The following HERC1 variants were observed in gnomAD, a reference collection of about 807,000 sequenced individuals.
HERC1 encodes the protein HECT and RLD domain containing E3 ubiquitin protein ligase family member 1, also known as probable E3 ubiquitin-protein ligase HERC1.
A neutral mutation model predicts 554.3 loss-of-function variants in HERC1; 160 were observed. The ratio of observed to expected loss-of-function variants is 0.29; its 90% CI spans 0.25 to 0.33. HERC1 has a LOEUF of 0.33. Among genes scored for constraint, HERC1 ranks in the 10% least tolerant of loss-of-function variants. The probability of loss-of-function intolerance (pLI) is 1.00; values close to 1 mark genes in which losing one functional copy is unlikely to be tolerated. For synonymous variants in HERC1, 2,175 were observed against 2,131.7 expected (o/e 1.02, Z -0.56); for missense variants, 4,919 against 5,918.5 (o/e 0.83, Z 5.54).
chr15:63,695,723 T>C (rs1248507686), intron 27 of HERC1, among the ~76,000 whole-genome samples: 1 of 152,056 alleles, frequency 6.6e-6, no homozygotes, highest in African/African-American at 2.4e-5. Flanking sequence ...AAAGCAGTTT[T>C]TCCTGCCTAA....
intron 1 of HERC1, among the ~76,000 whole-genome samples, chr15:63,786,917 A>ATTTTTTT (rs1378851561): frequency 2.4e-5 from 3 of 126,976 alleles, no homozygotes; most frequent in African/African-American, 6.3e-5. Context: ...TCAATAAATT[A>ATTTTTTT]TTATTTTTTT....
chr15:63,729,941 C>T (rs571416791), intron 14 of HERC1, among the ~76,000 whole-genome samples: 1 of 147,916 alleles, frequency 6.8e-6, no homozygotes, highest in Admixed American at 6.9e-5. Context: ...AGGAGAATTG[C>T]TTGAACCCCA....
chr15:63,689,722 A>C (rs745828701), intron 32 of HERC1, 23 bp from the exon 33 acceptor site: 1 of 1,382,982 alleles, frequency 7.2e-7, no homozygotes. Context: ...AGAAAAAAGG[A>C]TAAAATTTGT....
rs77075313 is a variant in HERC1 at position 63,609,577 on chromosome 15, A to G, written c.14401-311T>C. 0.033 allele frequency among the ~76,000 whole-genome samples: 4,950 copies of G among 152,280 alleles called. 98 individuals are homozygous for G. Among genetic ancestry groups the G allele is most frequent in the Middle Eastern group, 0.099 (29 of 294 alleles). ...TACGCACAGCGCCTGGCACAGGATG[A>G]GAGTGTAGTAAGAGGGCACCTGTCC... On this transcript the variant is annotated intron_variant, in intron 77 of 77. Transcript: ENST00000443617.
chr15:63,657,780 T>C (rs2070129185), intron 48 of HERC1, among the ~76,000 whole-genome samples: 1 of 152,132 alleles, frequency 6.6e-6, no homozygotes, highest in Non-Finnish European at 1.5e-5. Context: ...TTAGATCTAA[T>C]AGCCACTTTA....
At chr15:63,673,738 T>C (rs1470459354) in intron 38 of HERC1, among the ~76,000 whole-genome samples, 1 of 152,242 alleles carries the variant, frequency 6.6e-6, no homozygotes, top group Non-Finnish European at 1.5e-5. Flanking sequence ...TTTGGTTTGT[T>C]TTTTGAGACA....
At chr15:63,720,976 C>T (rs1294659944) in intron 19 of HERC1, among the ~76,000 whole-genome samples, 2 of 152,088 alleles carry the variant, frequency 1.3e-5, no homozygotes, top group East Asian at 3.8e-4. Context: ...TCTATGCTTA[C>T]AGTGTATAAG....
intron 11 of HERC1, 142 bp from the exon 12 acceptor site, chr15:63,747,225 G>A (rs572261512): frequency 1.9e-5 from 12 of 641,082 alleles, no homozygotes; most frequent in South Asian, 8.0e-5. Context: ...TTTGGGAGGC[G>A]GAGGTGGGTG....
intron 61 of HERC1, 102 bp from the exon 62 acceptor site, chr15:63,638,878 A>G: frequency 1.2e-6 from 1 of 803,796 alleles, no homozygotes; most frequent in Admixed American, 2.1e-5. Flanking sequence ...ATTTCCAAAA[A>G]AGAATATGGT....
chr15:63,809,677 T>C (rs1274702348), intron 1 of HERC1, among the ~76,000 whole-genome samples: 1 of 152,114 alleles, frequency 6.6e-6, no homozygotes, highest in Admixed American at 6.5e-5. Context: ...TTAGAAGGTA[T>C]ACTCAGCAGG....
chr15:63,694,369 C>T lies in HERC1; in HGVS notation c.5423G>A (p.Ser1808Asn), dbSNP rs760607774. The T allele has an allele frequency of 6.2e-7, 1 of 1,613,918 alleles. No homozygotes were observed. Among genetic ancestry groups the T allele is most frequent in the South Asian group, 1.1e-5 (1 of 91,076 alleles). ...LLPKTGVSQLSTALKVASTRL... is the reference protein window; with the variant it reads ...LLPKTGVSQLNTALKVASTRL... Reference sequence around the variant, plus strand: ...TGTACTGGCCACTTTCAAAGCTGTGCTAAGCTGGGAAACACCCGTCTTTGG... The same window carrying T: ...TGTACTGGCCACTTTCAAAGCTGTGTTAAGCTGGGAAACACCCGTCTTTGG... Residue 1808 changes from serine to asparagine, a missense_variant, in exon 29 of 78, where the codon AGC (serine) becomes AAC (asparagine). By Grantham distance (46) the Ser-to-Asn change is conservative. This residue lies in a region of HERC1 where 1,121 missense variants were observed against 1,244.0 expected (regional missense o/e 0.90). Transcript: ENST00000443617. The surrounding 1 kb of genome is among the most constrained non-coding windows in gnomAD (Gnocchi z 4.3).
chr15:63,649,162 G>A (rs1051078736), intron 54 of HERC1, among the ~76,000 whole-genome samples: 5 of 152,168 alleles, frequency 3.3e-5, no homozygotes, highest in Admixed American at 6.5e-5. Context: ...AGACCATCCT[G>A]GCCAACATGG....
intron 1 of HERC1, among the ~76,000 whole-genome samples, chr15:63,833,478 C>T (rs987960019): frequency 1.3e-5 from 2 of 152,064 alleles, no homozygotes; most frequent in African/African-American, 4.8e-5. Flanking sequence ...CAGAAAGAGA[C>T]GCGACCACAG....
At chr15:63,715,767 G>A (rs986763432) in intron 22 of HERC1, among the ~76,000 whole-genome samples, 1 of 152,124 alleles carries the variant, frequency 6.6e-6, no homozygotes, top group Non-Finnish European at 1.5e-5. Context: ...AAAACTATCT[G>A]AGCCTTGGAA....
intron 40 of HERC1, among the ~76,000 whole-genome samples, chr15:63,667,719 A>G (rs1203694215): frequency 1.3e-5 from 2 of 152,216 alleles, no homozygotes; most frequent in African/African-American, 4.8e-5. Flanking sequence ...TCTGATAATT[A>G]AAGACATATA....
chr15:63,616,525 C>G lies in HERC1; in HGVS notation c.13846G>C (p.Glu4616Gln), dbSNP rs2067826174. Residue 4616 changes from glutamate to glutamine, a missense_variant, in exon 75 of 78, where the codon GAG (glutamate) becomes CAG (glutamine). Physicochemically the swap from Glu to Gln is conservative, Grantham distance 29. This residue lies in a region of HERC1 where 284 missense variants were observed against 294.1 expected (regional missense o/e 0.97). Coordinates refer to ENST00000443617, the MANE Select transcript of HERC1 (RefSeq NM_003922.4). ...KQLCCVPLTLEDLEEVDLLYV... is the reference protein window; with the variant it reads ...KQLCCVPLTLQDLEEVDLLYV... Reference sequence around the variant, plus strand: ...AGCAGATCCACCTCCTCCAGGTCCTCTAGGGTGAGTGGGACACAGCACAGC... The same window carrying G: ...AGCAGATCCACCTCCTCCAGGTCCTGTAGGGTGAGTGGGACACAGCACAGC... 3 of 1,613,894 alleles carry G rather than the reference C, an allele frequency of 1.9e-6. No homozygotes were observed. The highest frequency in any genetic ancestry group is 1.3e-5 in the African/African-American group (1 of 74,936).
At chr15:63,639,832 G>A (rs1475718569) in intron 61 of HERC1, among the ~76,000 whole-genome samples, 2 of 152,084 alleles carry the variant, frequency 1.3e-5, no homozygotes, top group Non-Finnish European at 2.9e-5. Flanking sequence ...AAGATGACCA[G>A]GAAAAGATGC....
At chr15:63,711,695 A>C (rs2073301867) in intron 24 of HERC1, among the ~76,000 whole-genome samples, 1 of 152,240 alleles carries the variant, frequency 6.6e-6, no homozygotes, top group Non-Finnish European at 1.5e-5. Flanking sequence ...CTTATAGATA[A>C]GTCCATCTCA....
intron 2 of HERC1, among the ~76,000 whole-genome samples, chr15:63,764,778 G>A (rs1344130735): frequency 6.6e-6 from 1 of 152,146 alleles, no homozygotes; most frequent in Non-Finnish European, 1.5e-5. Context: ...ACTGCAGCCA[G>A]CACCAGGGAA....
Sources: allele counts gnomAD v4.1 joint callset (sites outside exome capture counted in the v4.1 genomes callset), GRCh38; gene constraint gnomAD v4.1.1; regional missense constraint gnomAD v4.1.1; non-coding constraint Gnocchi (gnomAD v3.1); transcripts MANE v1.5; gene names NCBI Gene and HGNC (gene_info 2026-07-23, HGNC 2026-07-21).